APBB2: variants seen among roughly 807,000 people sequenced by gnomAD.
APBB2 encodes amyloid beta precursor protein binding family B member 2.
Under a neutral mutation model 82.5 loss-of-function variants are expected in APBB2, and 38 were observed. The observed-to-expected ratio is 0.46, with a 90% CI of 0.36 to 0.60. APBB2 has a LOEUF of 0.60. Ranked by LOEUF, APBB2 falls within the 20% of genes least tolerant of loss-of-function variation. The pLI is 0.00. For synonymous variants in APBB2, 341 were observed against 368.2 expected, an observed-to-expected ratio of 0.93 and a Z score of 0.85; for missense variants, 772 against 972.3, an observed-to-expected ratio of 0.79 and a Z score of 2.74.
At chr4:41,056,134 C>T (rs1349119060) in intron 4 of APBB2, among the ~76,000 whole-genome samples, 2 of 151,954 alleles carry the variant, frequency 1.3e-5, no homozygotes, top group African/African-American at 4.8e-5. Flanking sequence ...GAGCCGAGAT[C>T]GCGGCACTGC....
At chr4:40,840,617 TG>T (rs1433930338) in intron 12 of APBB2, among the ~76,000 whole-genome samples, 1 of 152,222 alleles carries the variant, frequency 6.6e-6, no homozygotes, top group South Asian at 2.1e-4. Context: ...CTTAAAAAGA[TG>T]CTAAGTTTTT....
intron 6 of APBB2, among the ~76,000 whole-genome samples, chr4:40,997,269 T>C (rs1803887127): frequency 6.6e-6 from 1 of 152,200 alleles, no homozygotes; most frequent in Non-Finnish European, 1.5e-5. Context: ...TACTTGGCAA[T>C]ACTCATCTCA....
At position 40,907,345 on chromosome 4, in the gene APBB2, TTACATATATA is replaced by T. The variant is rs202036847; in HGVS notation, c.1255-13944_1255-13935del. Reference sequence around the variant, plus strand: ...GCTTTATTTAATTTAATTTAATATATTACATATATATATATATATATATATATATATATAT... The same window carrying T: ...GCTTTATTTAATTTAATTTAATATATTATATATATATATATATATATATAT... On this transcript the variant is annotated intron_variant, in intron 10 of 17. Coordinates refer to ENST00000508593, the MANE Select transcript of APBB2 (RefSeq NM_004307.2). 2.2e-3 allele frequency among the ~76,000 whole-genome samples: 230 copies of T among 104,924 alleles called. 8 individuals are homozygous for T. Among genetic ancestry groups the T allele is most frequent in the East Asian group, 0.01 (35 of 3,364 alleles). The allele number at this position is 104,924 out of a possible 152,430, so 68.8% of individuals were successfully genotyped here.
chr4:40,967,057 G>A (rs1260929136), intron 6 of APBB2, among the ~76,000 whole-genome samples: 1 of 152,110 alleles, frequency 6.6e-6, no homozygotes, highest in Non-Finnish European at 1.5e-5. Flanking sequence ...AAAACCCCAG[G>A]TTCAGCCAGA....
intron 12 of APBB2, among the ~76,000 whole-genome samples, chr4:40,845,091 C>T (rs190430855): frequency 3.2e-4 from 49 of 152,286 alleles, no homozygotes; most frequent in Admixed American, 7.8e-4. Flanking sequence ...AAAAATGCTA[C>T]TGCAAACTTT....
At chr4:40,946,573 A>G (rs1375276367) in intron 6 of APBB2, among the ~76,000 whole-genome samples, 1 of 152,066 alleles carries the variant, frequency 6.6e-6, no homozygotes, top group African/African-American at 2.4e-5. Flanking sequence ...TGACTAGGAA[A>G]TGGGTAACAG....
chr4:41,035,682 G>A (rs1295758229), intron 4 of APBB2, among the ~76,000 whole-genome samples: 2 of 152,128 alleles, frequency 1.3e-5, no homozygotes, highest in Non-Finnish European at 2.9e-5. Flanking sequence ...TTGGCCCTCC[G>A]TATCCTCGGG....
At position 40,817,569 on chromosome 4, in the gene APBB2, G is replaced by A. The variant is rs528528932; in HGVS notation, c.2113-1310C>T. ...CTCAGAGGGCAGACTTCTCCTATGC[G>A]TGGGTTCTGCAGGACCTGAATATGT... On this transcript the variant is annotated intron_variant, in intron 17 of 17. Coordinates refer to ENST00000508593, the MANE Select transcript of APBB2 (RefSeq NM_004307.2). Among the ~76,000 whole-genome samples, 10 of 151,960 alleles carry A rather than the reference G, an allele frequency of 6.6e-5. No individual in the cohort carries two copies. In the South Asian group the frequency reaches 8.3e-4, roughly 13 times the overall value.
chr4:40,825,161 A>G (rs549217887), intron 15 of APBB2, among the ~76,000 whole-genome samples: 26 of 152,348 alleles, frequency 1.7e-4, no homozygotes, highest in Non-Finnish European at 3.5e-4. Context: ...ACTCTCATCA[A>G]TAATTCTGCT....
chr4:41,146,913 C>G (rs903092798), intron 1 of APBB2, among the ~76,000 whole-genome samples: 1 of 152,188 alleles, frequency 6.6e-6, no homozygotes, highest in Non-Finnish European at 1.5e-5. Flanking sequence ...AGAGCCCGAA[C>G]AAACACAATG....
chr4:40,855,023 G>A (rs1249236515), intron 12 of APBB2, among the ~76,000 whole-genome samples: 2 of 152,172 alleles, frequency 1.3e-5, no homozygotes, highest in East Asian at 3.8e-4. Context: ...AGTTCAAGAT[G>A]ACCGACTTTA....
chr4:41,013,117 G>A (rs1808857677), intron 6 of APBB2, among the ~76,000 whole-genome samples: 1 of 152,192 alleles, frequency 6.6e-6, no homozygotes, highest in Admixed American at 6.5e-5. Context: ...GATGGCTAAT[G>A]TTTTAACTTT....
intron 6 of APBB2, among the ~76,000 whole-genome samples, chr4:40,994,583 G>A (rs1405081310): frequency 3.3e-5 from 5 of 152,036 alleles, no homozygotes; most frequent in African/African-American, 4.8e-5. Flanking sequence ...GGAGGGTGAG[G>A]TGGGCAGGAT....
intron 4 of APBB2, among the ~76,000 whole-genome samples, chr4:41,051,875 A>G (rs1167300806): frequency 1.3e-5 from 2 of 152,118 alleles, no homozygotes; most frequent in Non-Finnish European, 2.9e-5. Flanking sequence ...GTGTCTCTTT[A>G]GGTAAGTCAG....
intron 17 of APBB2, among the ~76,000 whole-genome samples, chr4:40,821,615 CCGT>C (rs1262633575): frequency 3.3e-5 from 5 of 152,274 alleles, no homozygotes; most frequent in African/African-American, 1.2e-4. Context: ...CAAGGATTGA[CCGT>C]CGTCAAGGTG....
At chr4:41,025,137 G>C (rs1713439344) in intron 5 of APBB2, among the ~76,000 whole-genome samples, 1 of 151,914 alleles carries the variant, frequency 6.6e-6, no homozygotes, top group South Asian at 2.1e-4. Flanking sequence ...GATCTCTCCG[G>C]TCCTCCTTCA....
chr4:40,879,884 G>T (rs1767951445), intron 12 of APBB2: 1 of 358,406 alleles, frequency 2.8e-6, no homozygotes, highest in East Asian at 1.7e-4. Context: ...TAGAGACAGG[G>T]TTTTGCCATG....
intron 2 of APBB2, among the ~76,000 whole-genome samples, chr4:41,109,274 A>G (rs563691524): frequency 5.3e-5 from 8 of 149,578 alleles, no homozygotes; most frequent in Admixed American, 4.8e-4. Flanking sequence ...TCTACACTAA[A>G]AAAAGAAAAA....
chr4:40,884,026 T>C (rs1045587789), intron 12 of APBB2, among the ~76,000 whole-genome samples: 3 of 152,204 alleles, frequency 2.0e-5, no homozygotes, highest in South Asian at 4.1e-4. Context: ...GACCATGCCA[T>C]AGCCTTCTGT....
Sources: allele counts gnomAD v4.1 joint callset (sites outside exome capture counted in the v4.1 genomes callset), GRCh38; gene constraint gnomAD v4.1.1; transcripts MANE v1.5; gene names NCBI Gene and HGNC (gene_info 2026-07-23, HGNC 2026-07-21).